HGD: variants seen among roughly 807,000 people sequenced by gnomAD.
HGD encodes the protein homogentisate 1,2-dioxygenase, also known as homogentisate oxidase.
HGD carries 61 observed loss-of-function variants against 60.8 expected under a neutral mutation model. The observed-to-expected ratio is 1.00, with a 90% confidence interval of 0.82 to 1.24. HGD has a LOEUF of 1.24. HGD is among the 50% of genes most tolerant of loss of function. HGD has a pLI of 0.00. For missense variants in HGD, 542 were observed against 547.1 expected (o/e 0.99, Z 0.09); for synonymous variants, 212 against 187.7 (o/e 1.13, Z -1.06).
At position 120,675,888 on chromosome 3, in the gene HGD, C is replaced by T. The variant is rs374802195; in HGVS notation, c.16-25G>A. On this transcript the variant is annotated intron_variant, in intron 1 of 13. Coordinates refer to ENST00000283871, the MANE Select transcript of HGD (RefSeq NM_000187.4). ...ACTGTAGGTGACAAAGACACAAATG[C>T]CACCATTAGCAGGATTTAAAGAGCA... The T allele has an allele frequency of 9.0e-5, 141 of 1,565,870 alleles. No homozygotes were observed. In the Middle Eastern group the frequency reaches 1.3e-3, roughly 15 times the overall value.
Position 120,641,742 on chromosome 3 carries a change from T to C in HGD, c.775-49A>G, listed in dbSNP as rs774466209. ...ATAATTTTACCATCTAATGCTTTTG[T>C]AGCTGTGATCCCACAATATGTACTG... On this transcript the variant is annotated intron_variant, in intron 10 of 13. Coordinates refer to ENST00000283871, the MANE Select transcript of HGD (RefSeq NM_000187.4). 2.5e-6 allele frequency: 3 copies of C among 1,202,828 alleles called. No individual in the cohort carries two copies. In the East Asian group the frequency reaches 7.0e-5, roughly 28 times the overall value. The allele number at this position is 1,202,828 out of a possible 1,614,324, so 74.5% of individuals were successfully genotyped here. A position where few individuals can be genotyped will look rare whatever the true frequency, so the allele number is the denominator to read the frequency against.
chr3:120,673,818 T>C (rs976698654), intron 3 of HGD, among the ~76,000 whole-genome samples: 2 of 152,222 alleles, frequency 1.3e-5, no homozygotes, highest in Non-Finnish European at 2.9e-5. Flanking sequence ...TAAGCTAAGC[T>C]AATGTGCTTT....
At chr3:120,675,705 C>T in intron 2 of HGD, 87 bp downstream of exon 2, 1 of 977,382 alleles carries the variant, frequency 1.0e-6, no homozygotes, top group Non-Finnish European at 1.7e-6. Flanking sequence ...ATTGGAAGAG[C>T]CACGGTGGGT....
rs556497171 is a variant in HGD, at chr3:120,678,619, G to A, written c.16-2756C>T. On this transcript the variant is annotated intron_variant, in intron 1 of 13. Coordinates refer to ENST00000283871, the MANE Select transcript of HGD (RefSeq NM_000187.4). ...AAGAAAGTAGAAAGAACAGCTGATG[G>A]TTTGGAAGGGAGCCACCAAGCACCA... Among the ~76,000 whole-genome samples the A allele has an allele frequency of 4.6e-5, 7 of 152,324 alleles. No homozygotes were observed. In the East Asian group the frequency reaches 1.3e-3, roughly 29 times the overall value.
At chr3:120,653,921 G>T (rs932449108) in intron 4 of HGD, among the ~76,000 whole-genome samples, 7 of 152,160 alleles carry the variant, frequency 4.6e-5, no homozygotes, top group African/African-American at 1.7e-4. Flanking sequence ...AGGTTCCAGT[G>T]ACATTCCACC....
At chr3:120,678,885 C>T (rs966413533) in intron 1 of HGD, among the ~76,000 whole-genome samples, 1 of 152,206 alleles carries the variant, frequency 6.6e-6, no homozygotes, top group South Asian at 2.1e-4. Flanking sequence ...AGAATCTGAA[C>T]TCTGCTTTTA....
intron 4 of HGD, among the ~76,000 whole-genome samples, chr3:120,667,938 G>A (rs552550413): frequency 7.9e-5 from 12 of 152,284 alleles, no homozygotes; most frequent in Admixed American, 2.6e-4. Context: ...ATGAGGTGAA[G>A]TCAGGGTCCC....
chr3:120,676,481 A>G (rs1708133403), intron 1 of HGD, among the ~76,000 whole-genome samples: 1 of 152,192 alleles, frequency 6.6e-6, no homozygotes, highest in South Asian at 2.1e-4. Context: ...CAGGTAAGTC[A>G]TGGAGAGCCC....
At position 120,633,224 on chromosome 3, in the gene HGD, G is replaced by T. The variant is rs1026366075; in HGVS notation, c.1111C>A (p.His371Asn). 2 of 1,614,100 alleles carry T rather than the reference G, an allele frequency of 1.2e-6. No individual in the cohort carries two copies. The highest frequency in any genetic ancestry group is 1.7e-6 in the Non-Finnish European group (2 of 1,180,000). ...GGSLHSTMTP[H>N]GPDADCFEKA... ...TCAAAGCAGTCAGCATCAGGTCCAT[G>T]GGGGGTCATTGTGCTGTGTAGACTC... Residue 371 changes from histidine to asparagine, a missense_variant, in exon 13 of 14, where the codon CAT becomes AAT. His to Asn is a moderately conservative substitution (Grantham distance 68, BLOSUM62 1). This residue lies in a region of HGD where 537 missense variants were observed against 529.1 expected (regional missense o/e 1.01). Transcript: ENST00000283871.
intron 9 of HGD, among the ~76,000 whole-genome samples, chr3:120,645,324 T>A (rs1941126489): frequency 6.6e-6 from 1 of 152,116 alleles, no homozygotes; most frequent in African/African-American, 2.4e-5. Context: ...TTCCTCTGCA[T>A]ATTTGGATTC....
At chr3:120,671,530 A>G (rs1708024642) in intron 3 of HGD, among the ~76,000 whole-genome samples, 1 of 152,146 alleles carries the variant, frequency 6.6e-6, no homozygotes, top group Non-Finnish European at 1.5e-5. Flanking sequence ...ATGCTTTTAC[A>G]CTGTTGGTGG....
chr3:120,654,561 T>C (rs1324568386), intron 4 of HGD, among the ~76,000 whole-genome samples: 38 of 152,206 alleles, frequency 2.5e-4, no homozygotes. Context: ...TCTTGGGCCA[T>C]ACGTGGCAGT....
At chr3:120,659,622 T>G (rs557018944) in intron 4 of HGD, among the ~76,000 whole-genome samples, 1 of 152,272 alleles carries the variant, frequency 6.6e-6, no homozygotes, top group East Asian at 1.9e-4. Flanking sequence ...CTTCCTGTCT[T>G]CTGAGCCCTC....
chr3:120,674,983 G>A lies in HGD; in HGVS notation c.94C>T (p.Pro32Ser), dbSNP rs1553721599. Residue 32 changes from proline to serine, a missense_variant, in exon 3 of 14, where the codon CCT becomes TCT. This residue lies in a region of HGD where 537 missense variants were observed against 529.1 expected (regional missense o/e 1.01). Coordinates refer to ENST00000283871, the MANE Select transcript of HGD (RefSeq NM_000187.4). ...PGSLPEGQNN[P>S]QVCPYNLYAE... Reference sequence around the variant, plus strand: ...TAGAGATTGTAGGGGCAGACCTGAGGATTATTCTGAAACAAAGGATGCAAT... The same window carrying A: ...TAGAGATTGTAGGGGCAGACCTGAGAATTATTCTGAAACAAAGGATGCAAT... The A allele has an allele frequency of 1.9e-6, 3 of 1,608,448 alleles. No individual in the cohort carries two copies. The highest frequency in any genetic ancestry group is 2.6e-6 in the Non-Finnish European group (3 of 1,175,340).
At chr3:120,649,228 C>T (rs771458865) in intron 6 of HGD, among the ~76,000 whole-genome samples, 3 of 150,212 alleles carry the variant, frequency 2.0e-5, no homozygotes, top group Non-Finnish European at 3.0e-5. Flanking sequence ...CTGCAACCTC[C>T]GCCTCCCGGG....
At chr3:120,649,952 C>A (rs144726592) in intron 6 of HGD, among the ~76,000 whole-genome samples, 111 of 152,168 alleles carry the variant, frequency 7.3e-4, no homozygotes, top group Middle Eastern at 3.4e-3. Flanking sequence ...GGTCACAGCT[C>A]AGTTCCTCCT....
chr3:120,638,690 T>G, intron 11 of HGD, 109 bp from the exon 12 acceptor site: 2 of 1,219,814 alleles, frequency 1.6e-6, no homozygotes, highest in South Asian at 1.3e-5. Flanking sequence ...TTCTAATTTT[T>G]TTATTTATTT....
chr3:120,633,420 G>T, intron 12 of HGD, 92 bp from the exon 13 acceptor site: 1 of 1,606,940 alleles, frequency 6.2e-7, no homozygotes, highest in Non-Finnish European at 8.5e-7. Flanking sequence ...AGAATTCCAA[G>T]AACACAGGAG....
Position 120,644,462 on chromosome 3 carries a change from A to G in HGD, c.650-19T>C. 1.2e-6 allele frequency: 2 copies of G among 1,613,962 alleles called. No individual in the cohort carries two copies. Among genetic ancestry groups the G allele is most frequent in the Non-Finnish European group, 1.7e-6 (2 of 1,179,968 alleles). ...TTGGCCCCTAGAAAACAGTAACCCA[A>G]AAGTCTTTTAGAAACTTCCAAAACA... On this transcript the variant is annotated intron_variant, in intron 9 of 13. Transcript: ENST00000283871.
Sources: allele counts gnomAD v4.1 joint callset (sites outside exome capture counted in the v4.1 genomes callset), GRCh38; gene constraint gnomAD v4.1.1; regional missense constraint gnomAD v4.1.1; transcripts MANE v1.5; gene names NCBI Gene and HGNC (gene_info 2026-07-23, HGNC 2026-07-21).